TK1: variants seen among roughly 807,000 people sequenced by gnomAD.
TK1 encodes thymidine kinase, cytosolic.
TK1 carries 13 observed loss-of-function variants against 22.4 expected under a neutral mutation model. That is an observed-to-expected ratio of 0.58 (90% CI 0.38 to 0.92). The LOEUF (loss-of-function observed/expected upper bound fraction) is 0.92, where lower values mean the gene tolerates loss of function less well. TK1 is among the 40% of genes least tolerant of loss of function. The pLI is 0.00. For missense variants in TK1, 251 were observed against 315.7 expected (o/e 0.80, Z 1.55); for synonymous variants, 134 against 125.4 (o/e 1.07, Z -0.46).
At chr17:78,180,551 GA>G (rs2075731291) in intron 4 of TK1, among the ~76,000 whole-genome samples, 1 of 152,150 alleles carries the variant, frequency 6.6e-6, no homozygotes, top group Non-Finnish European at 1.5e-5. Context: ...TGAGGAAATA[GA>G]AAAATCTGGA....
chr17:78,182,267 G>A (rs900509149), intron 4 of TK1, among the ~76,000 whole-genome samples: 8 of 151,682 alleles, frequency 5.3e-5, no homozygotes, highest in African/African-American at 1.9e-4. Context: ...CCAGCTACTC[G>A]GGAGGCTGAG....
intron 4 of TK1, among the ~76,000 whole-genome samples, chr17:78,177,788 A>C (rs972623971): frequency 1.3e-5 from 2 of 151,378 alleles, no homozygotes; most frequent in African/African-American, 4.9e-5. Flanking sequence ...GTTAGCCAGG[A>C]TGGTCTCGAT....
rs1463604613 is a variant in TK1, at chr17:78,174,502, A to T, written c.*257T>A. 4 of 518,604 alleles carry T rather than the reference A, an allele frequency of 7.7e-6. No homozygotes were observed. The highest frequency in any genetic ancestry group is 1.4e-5 in the Non-Finnish European group (4 of 292,396). The allele number at this position is 518,604 out of a possible 1,614,324, so 32.1% of individuals were successfully genotyped here. Reference sequence around the variant, plus strand: ...AAGGAGAGGGAGTGTGCCAGATCCCAGGCCACCAAGCGGGGCCAGCTCCAG... The same window carrying T: ...AAGGAGAGGGAGTGTGCCAGATCCCTGGCCACCAAGCGGGGCCAGCTCCAG... On this transcript the variant is annotated 3_prime_UTR_variant, in exon 7 of 7. Coordinates refer to ENST00000301634, the MANE Select transcript of TK1 (RefSeq NM_003258.5).
Position 78,174,743 on chromosome 17 carries a change from G to A in TK1, c.*16C>T, listed in dbSNP as rs763614426. On this transcript the variant is annotated 3_prime_UTR_variant, in exon 7 of 7. Coordinates refer to ENST00000301634, the MANE Select transcript of TK1 (RefSeq NM_003258.5). ...CGGCAGTGGCAGGAAGGGAGCGGGCGGCCCTCGCAGGTCCCTCAGTTGGCA... is the reference window on the plus strand; with the variant it reads ...CGGCAGTGGCAGGAAGGGAGCGGGCAGCCCTCGCAGGTCCCTCAGTTGGCA... The A allele has an allele frequency of 2.3e-5, 36 of 1,572,648 alleles. 1 individual carries two copies. Among genetic ancestry groups the A allele is most frequent in the Middle Eastern group, 3.4e-4 (2 of 5,818 alleles).
chr17:78,179,232 T>C (rs2145824843), intron 4 of TK1: 1 of 985,416 alleles, frequency 1.0e-6, no homozygotes. Context: ...GAGAGGGCCA[T>C]GTCCCCAAAG....
intron 4 of TK1, chr17:78,179,433 G>T: frequency 1.0e-6 from 1 of 985,468 alleles, no homozygotes; most frequent in South Asian, 4.7e-5. Context: ...GTCAGAAACG[G>T]AATGGCCATA....
chr17:78,179,994 C>T (rs1418500409), intron 4 of TK1, among the ~76,000 whole-genome samples: 2 of 152,202 alleles, frequency 1.3e-5, no homozygotes, highest in Non-Finnish European at 2.9e-5. Context: ...TCACTTGAAC[C>T]TGGGAGATGG....
chr17:78,182,235 G>A (rs376926342), intron 4 of TK1, among the ~76,000 whole-genome samples: 8 of 152,040 alleles, frequency 5.3e-5, no homozygotes, highest in African/African-American at 1.7e-4. Flanking sequence ...TTAGCTGGGC[G>A]TGGTGGCGCA....
intron 4 of TK1, chr17:78,179,139 CAGG>C (rs1374323089): frequency 1.0e-6 from 1 of 984,512 alleles, no homozygotes; most frequent in African/African-American, 1.7e-5. Context: ...TACGCAGAGC[CAGG>C]AGAACAGAGC....
intron 3 of TK1, 54 bp from the exon 4 acceptor site, chr17:78,182,736 T>A: frequency 7.2e-7 from 1 of 1,381,720 alleles, no homozygotes; most frequent in Non-Finnish European, 9.7e-7. Context: ...GAAGCCACAA[T>A]GCAGGGGCCA....
chr17:78,176,853 C>G (rs1177723907), intron 4 of TK1, among the ~76,000 whole-genome samples: 1 of 152,106 alleles, frequency 6.6e-6, no homozygotes, highest in African/African-American at 2.4e-5. Flanking sequence ...GAACACACCT[C>G]CCACCCCCCA....
rs1000367993 is a variant in TK1 at position 78,186,021 on chromosome 17, G to A, written c.98+766C>T. Reference sequence around the variant, plus strand: ...AACATCTGTAATCCCAGCACTTTGGGATGCTGAAGTAGGAGGATTGCTTGA... The same window carrying A: ...AACATCTGTAATCCCAGCACTTTGGAATGCTGAAGTAGGAGGATTGCTTGA... On this transcript the variant is annotated intron_variant, in intron 2 of 6. Coordinates refer to ENST00000301634, the MANE Select transcript of TK1 (RefSeq NM_003258.5). Among the ~76,000 whole-genome samples, 36 of 152,112 alleles carry A rather than the reference G, an allele frequency of 2.4e-4. 1 individual carries two copies. Among genetic ancestry groups the A allele is most frequent in the Non-Finnish European group, 1.5e-5 (1 of 68,030 alleles).
At chr17:78,175,773 G>A (rs1282669862) in intron 4 of TK1, among the ~76,000 whole-genome samples, 155 bp from the exon 5 acceptor site, 1 of 152,168 alleles carries the variant, frequency 6.6e-6, no homozygotes, top group Non-Finnish European at 1.5e-5. Flanking sequence ...CCGGGGGACT[G>A]TGTCCACCCG....
rs2075680071 is a variant in TK1 at position 78,174,103 on chromosome 17, T to TA, written c.*655dup. ...GTCCACCAACCAGTGAATTTTCAAT[T>TA]AGTTAATTTCATAAGCTACAGCAGA... On this transcript the variant is annotated 3_prime_UTR_variant, in exon 7 of 7. Coordinates refer to ENST00000301634, the MANE Select transcript of TK1 (RefSeq NM_003258.5). The TA allele has an allele frequency of 6.6e-6, 1 of 152,200 alleles. No individual in the cohort carries two copies. The highest frequency in any genetic ancestry group is 1.5e-5 in the Non-Finnish European group (1 of 68,068). 9.4% of individuals were successfully genotyped at this position (152,200 alleles called of 1,614,324 possible). A position where few individuals can be genotyped will look rare whatever the true frequency, so the allele number is the denominator to read the frequency against.
rs1345412582 is a variant in TK1, at chr17:78,175,146, C to G, written c.417G>C (p.Leu139=). The G allele has an allele frequency of 3.1e-6, 5 of 1,613,148 alleles. No individual in the cohort carries two copies. The highest frequency in any genetic ancestry group is 2.2e-5 in the East Asian group (1 of 44,858). ...QRKPFGAILN[L]VPLAESVVKL... ...TCACCACGCTCTCGGCCAGCGGCAC[C>G]AGGTTCAGGATGGCCCCAAATGGCT... Residue 139 remains leucine (L), a synonymous_variant, in exon 6 of 7, where the codon CTG becomes CTC. Coordinates refer to ENST00000301634, the MANE Select transcript of TK1 (RefSeq NM_003258.5).
intron 4 of TK1, among the ~76,000 whole-genome samples, chr17:78,175,944 C>T (rs937573762): frequency 2.0e-5 from 3 of 152,176 alleles, no homozygotes; most frequent in African/African-American, 4.8e-5. Flanking sequence ...GCCTTGGGCT[C>T]GGACACCACT....
At chr17:78,186,840 T>C (rs1386371253) in intron 1 of TK1, 22 bp from the exon 2 acceptor site, 1 of 1,577,976 alleles carries the variant, frequency 6.3e-7, no homozygotes, top group Non-Finnish European at 8.6e-7. Context: ...GGTGAGGTCA[T>C]TTGAGGGCCC....
rs2075680609 is a variant in TK1, at chr17:78,174,188, C to G, written c.*571G>C. On this transcript the variant is annotated 3_prime_UTR_variant, in exon 7 of 7. Transcript: ENST00000301634. ...TAAGCCCCTGGGATCCAAGTCCCAG[C>G]AAGGTTGGTGCCACCCATCTTGGTG... 1 of 152,980 alleles carries G rather than the reference C, an allele frequency of 6.5e-6. No homozygotes were observed. Among genetic ancestry groups the G allele is most frequent in the African/African-American group, 2.4e-5 (1 of 41,456 alleles). The allele number at this position is 152,980 out of a possible 1,614,324, so 9.5% of individuals were successfully genotyped here. A position where few individuals can be genotyped will look rare whatever the true frequency, so the allele number is the denominator to read the frequency against.
chr17:78,179,682 G>GA, intron 4 of TK1: 1 of 985,456 alleles, frequency 1.0e-6, no homozygotes, highest in Non-Finnish European at 1.2e-6. Context: ...ATTCAGGCCA[G>GA]AGCGGCCTGG....
Sources: gnomAD v4.1 joint callset for allele counts (sites outside exome capture counted in the v4.1 genomes callset) on GRCh38, gnomAD v4.1.1 for gene constraint, MANE v1.5 for transcripts, NCBI Gene and HGNC (gene_info 2026-07-23, HGNC 2026-07-21) for gene names.